CCDC148: variants seen among roughly 807,000 people sequenced by gnomAD.
The protein encoded by CCDC148 is coiled-coil domain containing 148, also known as coiled-coil domain-containing protein 148.
A neutral mutation model predicts 85.7 loss-of-function variants in CCDC148; 89 were observed. That is an observed-to-expected ratio of 1.04 (90% CI 0.87 to 1.24). The LOEUF (loss-of-function observed/expected upper bound fraction) is 1.24, where lower values mean the gene tolerates loss of function less well. Ranked by LOEUF, CCDC148 falls within the 50% of genes most tolerant of loss-of-function variation. The pLI is 0.00. For synonymous variants in CCDC148, 230 were observed against 213.9 expected, an observed-to-expected ratio of 1.08 and a Z score of -0.66; for missense variants, 692 against 671.7, an observed-to-expected ratio of 1.03 and a Z score of -0.33.
intron 1 of CCDC148, among the ~76,000 whole-genome samples, chr2:158,394,959 A>G (rs1207368504): frequency 1.3e-5 from 2 of 152,112 alleles, no homozygotes; most frequent in Non-Finnish European, 2.9e-5. Context: ...AGAGAGAGCT[A>G]TTTTGTGATT....
At chr2:158,424,499 T>C (rs754318470) in intron 1 of CCDC148, among the ~76,000 whole-genome samples, 11 of 151,798 alleles carry the variant, frequency 7.2e-5, no homozygotes, top group Non-Finnish European at 1.3e-4. Context: ...TTCTCACTCA[T>C]ATGTGGGAAT....
At chr2:158,361,173 T>C (rs1683927321) in intron 1 of CCDC148, among the ~76,000 whole-genome samples, 1 of 150,774 alleles carries the variant, frequency 6.6e-6, no homozygotes, top group South Asian at 2.1e-4. Context: ...TATGGGACTA[T>C]GTGAAAAGAC....
intron 1 of CCDC148, among the ~76,000 whole-genome samples, chr2:158,412,691 C>T (rs1686311639): frequency 6.6e-6 from 1 of 151,898 alleles, no homozygotes; most frequent in African/African-American, 2.4e-5. Flanking sequence ...GAAATCTATG[C>T]CCTAATTTTA....
At chr2:158,238,047 CG>C (rs145714082) in intron 10 of CCDC148, among the ~76,000 whole-genome samples, 4,058 of 151,988 alleles carry the variant, frequency 0.027, 157 homozygotes, top group African/African-American at 0.087. Context: ...ATTGCTGGAG[CG>C]GAGGGACAAA....
At position 158,268,081 on chromosome 2, in the gene CCDC148, A is replaced by G. The variant is rs72995458; in HGVS notation, c.1111-17169T>C. On this transcript the variant is annotated intron_variant, in intron 9 of 13. Transcript: ENST00000283233. ...ATTCATGTGCAGGTTTTGTGTGAAC[A>G]TAAGTTTTTATTTCATTTGGATAAA... is the stretch of plus-strand genomic sequence containing the variant. 2.8e-3 allele frequency among the ~76,000 whole-genome samples: 421 copies of G among 152,270 alleles called. 3 individuals carry two copies. The highest frequency in any genetic ancestry group is 9.7e-3 in the African/African-American group (402 of 41,562).
chr2:158,334,910 A>C lies in CCDC148; in HGVS notation c.764+3816T>G, dbSNP rs60014813. Among the ~76,000 whole-genome samples, 1,130 of 152,252 alleles carry C rather than the reference A, an allele frequency of 7.4e-3. 20 individuals carry two copies. Among genetic ancestry groups the C allele is most frequent in the African/African-American group, 0.026 (1,078 of 41,548 alleles). ...TTTTACAAGCTTAATCTTCCTAATA[A>C]ATTGGAATATTTAATATAATTTTTC... On this transcript the variant is annotated intron_variant, in intron 7 of 13. Transcript: ENST00000283233.
At chr2:158,197,835 A>C (rs1001444634) in intron 11 of CCDC148, among the ~76,000 whole-genome samples, 1 of 152,142 alleles carries the variant, frequency 6.6e-6, no homozygotes, top group Non-Finnish European at 1.5e-5. Context: ...ATATTATAAT[A>C]TTTTTGGAAT....
At chr2:158,240,426 ACTCT>A (rs1194443861) in intron 10 of CCDC148, among the ~76,000 whole-genome samples, 16 of 92,930 alleles carry the variant, frequency 1.7e-4, no homozygotes, top group African/African-American at 4.9e-4. Flanking sequence ...CAGTTAGATC[ACTCT>A]CTCTTTCTCT....
intron 1 of CCDC148, among the ~76,000 whole-genome samples, chr2:158,367,650 C>T (rs1415606748): frequency 6.6e-6 from 1 of 152,128 alleles, no homozygotes; most frequent in African/African-American, 2.4e-5. Context: ...AGAAATCTGA[C>T]ATTAGAATAT....
intron 1 of CCDC148, among the ~76,000 whole-genome samples, chr2:158,371,654 A>C (rs1684445822): frequency 6.7e-6 from 1 of 150,306 alleles, no homozygotes; most frequent in Non-Finnish European, 1.5e-5. Flanking sequence ...ATATCATTCT[A>C]TTTGTGTGTT....
At chr2:158,241,899 A>C (rs1688366508) in intron 10 of CCDC148, among the ~76,000 whole-genome samples, 1 of 152,216 alleles carries the variant, frequency 6.6e-6, no homozygotes, top group African/African-American at 2.4e-5. Context: ...TCAGCAAGTC[A>C]TGAAACTTAT....
rs897460427 is a variant in CCDC148, at chr2:158,345,594, T to C, written c.148-276A>G. On this transcript the variant is annotated intron_variant, in intron 2 of 13. Transcript: ENST00000283233. The stretch of plus-strand genomic sequence containing the variant: ...GTCATTCTATTTTCCATACATGAAA[T>C]AGATAATACCTTAATTCATATAACC... Among the ~76,000 whole-genome samples the C allele has an allele frequency of 3.9e-5, 6 of 152,140 alleles. No homozygotes were observed. In the South Asian group the frequency reaches 6.2e-4, roughly 16 times the overall value.
intron 1 of CCDC148, among the ~76,000 whole-genome samples, chr2:158,453,392 G>C (rs1456321026): frequency 6.6e-6 from 1 of 152,134 alleles, no homozygotes; most frequent in Non-Finnish European, 1.5e-5. Flanking sequence ...ATGGGGTGGG[G>C]CTCAGCCAAT....
At chr2:158,220,045 T>C (rs1687092660) in intron 11 of CCDC148, among the ~76,000 whole-genome samples, 1 of 152,214 alleles carries the variant, frequency 6.6e-6, no homozygotes, top group Admixed American at 6.5e-5. Context: ...ATAACTTAAA[T>C]CTCTTATTGT....
intron 7 of CCDC148, among the ~76,000 whole-genome samples, chr2:158,324,198 T>C (rs946019661): frequency 1.3e-5 from 2 of 152,116 alleles, no homozygotes; most frequent in African/African-American, 4.8e-5. Flanking sequence ...ATTACAGACA[T>C]GAGCCACTGC....
At chr2:158,393,550 C>A (rs1195244489) in intron 1 of CCDC148, among the ~76,000 whole-genome samples, 1 of 152,178 alleles carries the variant, frequency 6.6e-6, no homozygotes, top group East Asian at 1.9e-4. Flanking sequence ...GTAGTACAAG[C>A]AAGCAATTCT....
At chr2:158,268,097 T>C (rs1042877438) in intron 9 of CCDC148, among the ~76,000 whole-genome samples, 29 of 152,218 alleles carry the variant, frequency 1.9e-4, no homozygotes, top group Non-Finnish European at 4.0e-4. Flanking sequence ...TTTTATTTCA[T>C]TTGGATAAAT....
intron 1 of CCDC148, among the ~76,000 whole-genome samples, chr2:158,407,360 T>C (rs973374922): frequency 6.6e-6 from 1 of 152,162 alleles, no homozygotes; most frequent in Non-Finnish European, 1.5e-5. Flanking sequence ...CTTCTTGAAT[T>C]GCATGATCAG....
intron 1 of CCDC148, among the ~76,000 whole-genome samples, chr2:158,415,464 T>C (rs1226786037): frequency 8.9e-6 from 1 of 111,978 alleles, no homozygotes; most frequent in Non-Finnish European, 2.0e-5. Flanking sequence ...CATAACATTC[T>C]CCCCTGGCCC....
Sources: gnomAD v4.1 joint callset for allele counts (sites outside exome capture counted in the v4.1 genomes callset) on GRCh38, gnomAD v4.1.1 for gene constraint, MANE v1.5 for transcripts, NCBI Gene and HGNC (gene_info 2026-07-23, HGNC 2026-07-21) for gene names.